The following NCKAP5 variants were observed in gnomAD, a reference collection of about 807,000 sequenced individuals.
The protein encoded by NCKAP5 is nck-associated protein 5.
NCKAP5 carries 92 observed loss-of-function variants against 167.0 expected under a neutral mutation model. That is an observed-to-expected ratio of 0.55 (90% CI 0.47 to 0.66). The LOEUF (loss-of-function observed/expected upper bound fraction) is 0.66, where lower values mean the gene tolerates loss of function less well. NCKAP5 is among the 30% of genes least tolerant of loss of function. The probability of loss-of-function intolerance (pLI) is 0.00; values close to 1 mark genes in which losing one functional copy is unlikely to be tolerated. For missense variants in NCKAP5, 2,378 were observed against 2,315.0 expected, an observed-to-expected ratio of 1.03 and a Z score of -0.56; for synonymous variants, 891 against 877.4, an observed-to-expected ratio of 1.02 and a Z score of -0.27.
Position 132,858,699 on chromosome 2 carries a change from T to C in NCKAP5, c.807+1793A>G, listed in dbSNP as rs145968009. 2.8e-3 allele frequency among the ~76,000 whole-genome samples: 422 copies of C among 152,172 alleles called. 3 individuals are homozygous for C. Among genetic ancestry groups the C allele is most frequent in the African/African-American group, 9.8e-3 (406 of 41,508 alleles). ...AAATTAGAATGGCTCCTGGAGGGAG[T>C]ACTATTTGGGGAGAAATATGAAGTG... On this transcript the variant is annotated intron_variant, in intron 11 of 19. Coordinates refer to ENST00000409261, the MANE Select transcript of NCKAP5 (RefSeq NM_207363.3).
At chr2:133,174,369 AG>A (rs913221593) in intron 5 of NCKAP5, among the ~76,000 whole-genome samples, 5 of 152,176 alleles carry the variant, frequency 3.3e-5, no homozygotes, top group African/African-American at 1.2e-4. Context: ...AGGCTCTACC[AG>A]GTCTCTCTAC....
At chr2:133,199,641 A>C (rs1401936995) in intron 5 of NCKAP5, among the ~76,000 whole-genome samples, 1 of 152,024 alleles carries the variant, frequency 6.6e-6, no homozygotes, top group Non-Finnish European at 1.5e-5. Flanking sequence ...TGGAACAGCT[A>C]CTTTGAGAAA....
rs531846622 is a variant in NCKAP5 at position 133,500,252 on chromosome 2, G to A, written c.69+17206C>T. 9.2e-5 allele frequency among the ~76,000 whole-genome samples: 14 copies of A among 152,140 alleles called. No individual in the cohort carries two copies. In the East Asian group the frequency reaches 2.1e-3, roughly 23 times the overall value. On this transcript the variant is annotated intron_variant, in intron 3 of 19. Coordinates refer to ENST00000409261, the MANE Select transcript of NCKAP5 (RefSeq NM_207363.3). ...ATGAATTTGAAAAGATGCATGCTCC[G>A]CTCTCTAAAAAAGAAATCAGTCAGA...
chr2:133,349,048 A>G, intron 3 of NCKAP5, among the ~76,000 whole-genome samples: 1 of 152,112 alleles, frequency 6.6e-6, no homozygotes, highest in Non-Finnish European at 1.5e-5. Context: ...TGAGCACACA[A>G]CCCTCTCTAT....
intron 2 of NCKAP5, among the ~76,000 whole-genome samples, chr2:133,549,193 T>G (rs1687042416): frequency 6.6e-6 from 1 of 151,562 alleles, no homozygotes; most frequent in Non-Finnish European, 1.5e-5. Flanking sequence ...CCTAAATATA[T>G]ATGCACCCAA....
intron 6 of NCKAP5, among the ~76,000 whole-genome samples, chr2:133,058,416 T>C (rs142028937): frequency 0.022 from 3,381 of 152,270 alleles, 71 homozygotes; most frequent in Middle Eastern, 0.082. Context: ...TGAAGAACAT[T>C]TGTGATTCAT....
chr2:133,341,261 CT>C (rs1683563358), intron 3 of NCKAP5, among the ~76,000 whole-genome samples: 2 of 150,496 alleles, frequency 1.3e-5, no homozygotes, highest in Admixed American at 1.3e-4. Context: ...CTATCTTTGA[CT>C]TGTCATTCTG....
chr2:133,059,858 C>G (rs994636132), intron 6 of NCKAP5, among the ~76,000 whole-genome samples: 1 of 151,858 alleles, frequency 6.6e-6, no homozygotes, highest in African/African-American at 2.4e-5. Context: ...TAGTCTGGAA[C>G]AGAACCTGCA....
chr2:133,274,123 T>A (rs2089632849), intron 4 of NCKAP5, among the ~76,000 whole-genome samples: 1 of 151,910 alleles, frequency 6.6e-6, no homozygotes. Context: ...ATCACCAATA[T>A]TATCAGCATC....
intron 16 of NCKAP5, among the ~76,000 whole-genome samples, chr2:132,750,222 C>CT (rs1384279176): frequency 6.6e-6 from 1 of 152,008 alleles, no homozygotes; most frequent in Non-Finnish European, 1.5e-5. Context: ...AAGTTGTTGT[C>CT]TTTTTTTGTG....
chr2:132,903,873 C>T (rs1693809599), intron 8 of NCKAP5, among the ~76,000 whole-genome samples: 1 of 152,024 alleles, frequency 6.6e-6, no homozygotes, highest in African/African-American at 2.4e-5. Context: ...ACGTAATTAC[C>T]ATTAATGTTA....
At chr2:133,205,312 T>C (rs1403937783) in intron 5 of NCKAP5, among the ~76,000 whole-genome samples, 3 of 151,902 alleles carry the variant, frequency 2.0e-5, no homozygotes, top group Non-Finnish European at 4.4e-5. Context: ...GATAGATAGA[T>C]AGATAGACAG....
At chr2:132,942,446 T>C (rs1697369525) in intron 8 of NCKAP5, among the ~76,000 whole-genome samples, 1 of 152,188 alleles carries the variant, frequency 6.6e-6, no homozygotes, top group Non-Finnish European at 1.5e-5. Context: ...CAACCACAGT[T>C]CAAGAATCAC....
Position 133,019,391 on chromosome 2 carries a change from G to A in NCKAP5, c.342-25152C>T, listed in dbSNP as rs191299654. Reference sequence around the variant, plus strand: ...AGTGGTGGGGAGAATTGGGGCAGGGGAAGGAAGGAAAAGTGGGGAATGATA... The same window carrying A: ...AGTGGTGGGGAGAATTGGGGCAGGGAAAGGAAGGAAAAGTGGGGAATGATA... On this transcript the variant is annotated intron_variant, in intron 6 of 19. Coordinates refer to ENST00000409261, the MANE Select transcript of NCKAP5 (RefSeq NM_207363.3). Among the ~76,000 whole-genome samples, 299 of 152,278 alleles carry A rather than the reference G, an allele frequency of 2.0e-3. 3 individuals are homozygous for A. Among genetic ancestry groups the A allele is most frequent in the African/African-American group, 6.9e-3 (285 of 41,566 alleles).
At chr2:132,704,571 G>C (rs188769925) in intron 19 of NCKAP5, among the ~76,000 whole-genome samples, 28 of 152,138 alleles carry the variant, frequency 1.8e-4, no homozygotes, top group Non-Finnish European at 2.9e-4. Context: ...AGCACCTCCT[G>C]GTTTATCTGC....
chr2:133,454,863 A>G (rs1387085754), intron 3 of NCKAP5, among the ~76,000 whole-genome samples: 1 of 152,106 alleles, frequency 6.6e-6, no homozygotes, highest in African/African-American at 2.4e-5. Context: ...TTAAGCAACA[A>G]TAAATGAATA....
chr2:132,853,985 C>T (rs895257081), intron 11 of NCKAP5, among the ~76,000 whole-genome samples: 1 of 152,192 alleles, frequency 6.6e-6, no homozygotes, highest in Non-Finnish European at 1.5e-5. Flanking sequence ...GTGAAACCAC[C>T]TCCCTGTACC....
intron 3 of NCKAP5, among the ~76,000 whole-genome samples, chr2:133,502,645 T>C (rs1191951042): frequency 6.6e-6 from 1 of 152,138 alleles, no homozygotes; most frequent in South Asian, 2.1e-4. Flanking sequence ...GACCCAGCCC[T>C]CCCTCATGCC....
At chr2:132,926,332 A>G (rs1695886682) in intron 8 of NCKAP5, 1 of 171,826 alleles carries the variant, frequency 5.8e-6, no homozygotes, top group Non-Finnish European at 1.3e-5. Context: ...TGATATAAAC[A>G]TATAAGTGCA....
Sources: gnomAD v4.1 joint callset for allele counts (sites outside exome capture counted in the v4.1 genomes callset) on GRCh38, gnomAD v4.1.1 for gene constraint, MANE v1.5 for transcripts, NCBI Gene and HGNC (gene_info 2026-07-23, HGNC 2026-07-21) for gene names.